CEP68: variants seen among roughly 807,000 people sequenced by gnomAD.
CEP68 encodes centrosomal protein 68.
In CEP68, 26 loss-of-function variants were observed where a neutral mutation model predicts 55.3. The observed-to-expected ratio is 0.47, with a 90% confidence interval of 0.34 to 0.65. CEP68 has a LOEUF of 0.65. Ranked by LOEUF, CEP68 falls within the 30% of genes least tolerant of loss-of-function variation. The pLI is 0.01. For synonymous variants in CEP68, 402 were observed against 383.2 expected, an observed-to-expected ratio of 1.05 and a Z score of -0.57; for missense variants, 957 against 946.7, an observed-to-expected ratio of 1.01 and a Z score of -0.14.
chr2:65,067,865 C>G (rs1019777016), intron 1 of CEP68, among the ~76,000 whole-genome samples: 1 of 152,216 alleles, frequency 6.6e-6, no homozygotes, highest in Non-Finnish European at 1.5e-5. Context: ...AGGGTCACTT[C>G]TGAATCAGGC....
chr2:65,079,423 A>G (rs1234550717), intron 5 of CEP68, among the ~76,000 whole-genome samples: 1 of 152,116 alleles, frequency 6.6e-6, no homozygotes, highest in Admixed American at 6.5e-5. Context: ...GGGAAGAAAA[A>G]TCTCTAGGGT....
intron 5 of CEP68, chr2:65,080,539 C>T (rs13027430): frequency 0.024 from 23,985 of 985,380 alleles, 334 homozygotes; most frequent in Non-Finnish European, 0.027. Flanking sequence ...TCAAAAGCGT[C>T]CGTGCGCAGT....
Position 65,069,588 on chromosome 2 carries a change from G to C in CEP68, c.144G>C (p.Glu48Asp). 4 of 1,613,924 alleles carry C rather than the reference G, an allele frequency of 2.5e-6. No homozygotes were observed. Among genetic ancestry groups the C allele is most frequent in the Non-Finnish European group, 3.4e-6 (4 of 1,179,846 alleles). The change falls in exon 2 of 7, where the codon GAG (glutamate) becomes GAC (aspartate). Residue 48 changes from glutamate to aspartate, a missense_variant. By Grantham distance (45) the Glu-to-Asp change is conservative. Transcript: ENST00000377990. The part of the protein sequence containing the change: ...SGEQPPRLEA[E>D]GGLISPVWGA... Reference sequence around the variant, plus strand: ...AGCAGCCCCCACGCCTGGAAGCTGAGGGAGGGCTCATCTCCCCTGTATGGG... The same window carrying C: ...AGCAGCCCCCACGCCTGGAAGCTGACGGAGGGCTCATCTCCCCTGTATGGG...
intron 4 of CEP68, chr2:65,074,764 AC>A (rs145470320): frequency 0.056 from 11,090 of 197,134 alleles, 15 homozygotes; most frequent in South Asian, 0.12. Flanking sequence ...ACATAGCAAG[AC>A]CCCCCCCCCT....
chr2:65,073,096 C>T (rs1676580041), intron 3 of CEP68, 116 bp downstream of exon 3: 1 of 1,090,634 alleles, frequency 9.2e-7, no homozygotes. Flanking sequence ...ATGTGCCAGG[C>T]ATTGTGCTGT....
rs923372490 is a variant in CEP68, at chr2:65,084,286, G to C, written c.*652G>C. Reference sequence around the variant, plus strand: ...CAGTTTCTTAGAAGAAAATGTGTCAGGGACTTGGGGATCTACAGTCATGCT... The same window carrying C: ...CAGTTTCTTAGAAGAAAATGTGTCACGGACTTGGGGATCTACAGTCATGCT... On this transcript the variant is annotated 3_prime_UTR_variant, in exon 7 of 7. Coordinates refer to ENST00000377990, the MANE Select transcript of CEP68 (RefSeq NM_015147.3). The C allele has an allele frequency of 2.0e-5, 3 of 152,190 alleles. No individual in the cohort carries two copies. Among genetic ancestry groups the C allele is most frequent in the Admixed American group, 6.5e-5 (1 of 15,280 alleles). 9.4% of individuals were successfully genotyped at this position (152,190 alleles called of 1,614,324 possible).
rs751919712 is a variant in CEP68 at position 65,073,140 on chromosome 2, A to C, written c.1884+160A>C. On this transcript the variant is annotated intron_variant, in intron 3 of 6. Coordinates refer to ENST00000377990, the MANE Select transcript of CEP68 (RefSeq NM_015147.3). The stretch of plus-strand genomic sequence containing the variant: ...TTATTCAGTCCTCACAACTTTTACC[A>C]GGTAAGCACTGTTCTCATTTTACTT... 1.1e-4 allele frequency: 91 copies of C among 827,846 alleles called. No homozygotes were observed. In the South Asian group the frequency reaches 1.3e-3, roughly 12 times the overall value. The allele number at this position is 827,846 out of a possible 1,614,324, so 51.3% of individuals were successfully genotyped here.
intron 1 of CEP68, among the ~76,000 whole-genome samples, chr2:65,063,818 G>A (rs1261368133): frequency 6.6e-6 from 1 of 152,182 alleles, no homozygotes; most frequent in Non-Finnish European, 1.5e-5. Flanking sequence ...TTTGTCTTCA[G>A]TCATTACTTC....
intron 1 of CEP68, among the ~76,000 whole-genome samples, chr2:65,056,907 C>G (rs2103733152): frequency 6.6e-6 from 1 of 152,338 alleles, no homozygotes; most frequent in Middle Eastern, 3.4e-3. Context: ...GGGGAGGTCA[C>G]TTTCCCTCAG....
At position 65,084,522 on chromosome 2, in the gene CEP68, TAAAA is replaced by T. The variant is rs11336018; in HGVS notation, c.*899_*902del. 6.8e-6 allele frequency: 1 copy of T among 147,306 alleles called. No homozygotes were observed. The highest frequency in any genetic ancestry group is 2.5e-5 in the African/African-American group (1 of 40,092). The allele number at this position is 147,306 out of a possible 1,614,324, so 9.1% of individuals were successfully genotyped here. On this transcript the variant is annotated 3_prime_UTR_variant, in exon 7 of 7. Coordinates refer to ENST00000377990, the MANE Select transcript of CEP68 (RefSeq NM_015147.3). ...GGCATTGACACATAAGTACTTTGAT[TAAAA>T]AAAAAAAAAACTATGGATCAACCAT...
rs3213744 is a variant in CEP68 at position 65,071,405 on chromosome 2, T to G, written c.358-49T>G. The G allele has an allele frequency of 9.3e-4, 1,394 of 1,492,312 alleles. 22 individuals are homozygous for G. The East Asian group carries it at 0.029, about 31-fold the overall frequency. The allele number at this position is 1,492,312 out of a possible 1,614,324, so 92.4% of individuals were successfully genotyped here. On this transcript the variant is annotated intron_variant, in intron 2 of 6. Transcript: ENST00000377990. The stretch of plus-strand genomic sequence containing the variant: ...CCTGGGTTGTCATCTAAGAAAGAAA[T>G]TGGGTTTGATTTTTACCCAAGTGCT...
rs1558560073 is a variant in CEP68, at chr2:65,069,806, G to A, written c.357+5G>A. 3 of 1,612,308 alleles carry A rather than the reference G, an allele frequency of 1.9e-6. No individual in the cohort carries two copies. Among genetic ancestry groups the A allele is most frequent in the South Asian group, 1.1e-5 (1 of 91,050 alleles). On this transcript the variant is annotated splice_donor_5th_base_variant and intron_variant, in intron 2 of 6. Coordinates refer to ENST00000377990, the MANE Select transcript of CEP68 (RefSeq NM_015147.3). Reference sequence around the variant, plus strand: ...CTGCTCTCCGGGGAAAGCCAGGTAGGTACTAAGGCAAGACTGTAGATGGAC... The same window carrying A: ...CTGCTCTCCGGGGAAAGCCAGGTAGATACTAAGGCAAGACTGTAGATGGAC...
intron 4 of CEP68, among the ~76,000 whole-genome samples, chr2:65,076,506 A>G (rs943242538): frequency 1.3e-5 from 2 of 152,222 alleles, no homozygotes; most frequent in African/African-American, 4.8e-5. Flanking sequence ...TTGCCCGCAC[A>G]GAATTGTGCA....
At chr2:65,080,448 C>T (rs1484876349) in intron 5 of CEP68, 4 of 985,286 alleles carry the variant, frequency 4.1e-6, no homozygotes, top group Non-Finnish European at 4.8e-6. Context: ...TAGAGCCAGC[C>T]TACAAACATG....
intron 5 of CEP68, among the ~76,000 whole-genome samples, chr2:65,080,765 C>A (rs1038027028): frequency 1.2e-4 from 18 of 152,066 alleles, no homozygotes; most frequent in Non-Finnish European, 1.9e-4. Context: ...TTGCAGTGAG[C>A]CGAGATCACG....
chr2:65,061,948 G>A (rs1675930936), intron 1 of CEP68, among the ~76,000 whole-genome samples: 1 of 152,188 alleles, frequency 6.6e-6, no homozygotes, highest in African/African-American at 2.4e-5. Flanking sequence ...GTTTCCTTGT[G>A]GACAGTTTCA....
chr2:65,082,725 CAAAAAG>C lies in CEP68; in HGVS notation c.*4+21_*4+26del, dbSNP rs760425687. ...GTTTAACCTGGTAAGTGGAGGAACT[CAAAAAG>C]AAAATTTGCCCACCAACCCTGCTGT... On this transcript the variant is annotated intron_variant, in intron 6 of 6. Coordinates refer to ENST00000377990, the MANE Select transcript of CEP68 (RefSeq NM_015147.3). 1.6e-5 allele frequency: 24 copies of C among 1,525,680 alleles called. No homozygotes were observed. In the East Asian group the frequency reaches 5.6e-4, roughly 35 times the overall value. The allele number at this position is 1,525,680 out of a possible 1,614,324, so 94.5% of individuals were successfully genotyped here. A position where few individuals can be genotyped will look rare whatever the true frequency, so the allele number is the denominator to read the frequency against.
At chr2:65,083,298 ACTTT>A (rs1668921566) in intron 6 of CEP68, among the ~76,000 whole-genome samples, 1 of 152,250 alleles carries the variant, frequency 6.6e-6, no homozygotes, top group African/African-American at 2.4e-5. Flanking sequence ...TGGTAGTACA[ACTTT>A]CTTTTGCTCC....
intron 1 of CEP68, among the ~76,000 whole-genome samples, chr2:65,062,076 A>C (rs947399937): frequency 1.3e-5 from 2 of 152,142 alleles, no homozygotes; most frequent in Non-Finnish European, 2.9e-5. Flanking sequence ...ACAGGTTTGG[A>C]GGTTTTGGCC....
Sources: allele counts gnomAD v4.1 joint callset (sites outside exome capture counted in the v4.1 genomes callset), GRCh38; gene constraint gnomAD v4.1.1; transcripts MANE v1.5; gene names NCBI Gene and HGNC (gene_info 2026-07-23, HGNC 2026-07-21).